The following TTC24 variants were observed in gnomAD, a reference collection of about 807,000 sequenced individuals.
The protein encoded by TTC24 is tetratricopeptide repeat protein 24.
Under a neutral mutation model 63.3 loss-of-function variants are expected in TTC24, and 54 were observed. That is an observed-to-expected ratio of 0.85 (90% confidence interval 0.69 to 1.07). The LOEUF is 1.07. Among genes scored for constraint, TTC24 ranks in the 50% least tolerant of loss-of-function variants. The pLI, the probability that TTC24 is intolerant of heterozygous loss-of-function variation, is 0.00. For synonymous variants in TTC24, 276 were observed against 304.3 expected (o/e 0.91, Z 0.97); for missense variants, 680 against 730.5 (o/e 0.93, Z 0.80).
chr1:156,583,836 C>G lies in TTC24; in HGVS notation c.1192C>G (p.Leu398Val). 6.3e-7 allele frequency: 1 copy of G among 1,583,020 alleles called. No homozygotes were observed. Among genetic ancestry groups the G allele is most frequent in the Non-Finnish European group, 8.6e-7 (1 of 1,166,306 alleles). ...TGTGCGAGAACGGCTGGTGGCCAAG[C>G]TGGCAGACACCGTGAGGACGCGCTT... is the stretch of plus-strand genomic sequence containing the variant. ...DSVRERLVAK[L>V]ADTVRTRLAQ... Residue 398 changes from leucine to valine, a missense_variant, in exon 6 of 11, where the codon CTG becomes GTG. Leu to Val is a conservative substitution (Grantham distance 32). Coordinates refer to ENST00000368236, the MANE Select transcript of TTC24 (RefSeq NM_001105669.4). The surrounding 1 kb of genome is among the most constrained non-coding windows in gnomAD (Gnocchi z 4.0).
chr1:156,580,061 C>T (rs1476390802), intron 1 of TTC24, among the ~76,000 whole-genome samples: 1 of 152,104 alleles, frequency 6.6e-6, no homozygotes, highest in Non-Finnish European at 1.5e-5. Context: ...ATACAAGCTG[C>T]TGAGATGCTT....
At position 156,581,410 on chromosome 1, in the gene TTC24, G is replaced by A. The variant is rs982465333; in HGVS notation, c.46G>A (p.Glu16Lys). The A allele has an allele frequency of 1.3e-6, 2 of 1,540,182 alleles. No individual in the cohort carries two copies. The highest frequency in any genetic ancestry group is 1.8e-6 in the Non-Finnish European group (2 of 1,141,600). ...PEDVPRRPEP[E>K]PSSSNKKKKK... is the part of the protein sequence containing the mutation. ...GGATGTGCCCCGGAGGCCAGAACCTGAGCCCTCAAGCTCCAATAAGAAAAA... is the reference window on the plus strand; with the variant it reads ...GGATGTGCCCCGGAGGCCAGAACCTAAGCCCTCAAGCTCCAATAAGAAAAA... Residue 16 changes from glutamate to lysine, a missense_variant, in exon 2 of 11, where the codon GAG becomes AAG. Glu to Lys is a moderately conservative substitution (Grantham distance 56). Transcript: ENST00000368236.
At position 156,581,673 on chromosome 1, in the gene TTC24, G is replaced by A. The variant is rs749784593; in HGVS notation, c.309G>A (p.Leu103=). The A allele has an allele frequency of 3.4e-5, 53 of 1,551,764 alleles. No homozygotes were observed. The Middle Eastern group carries it at 4.2e-3, about 122-fold the overall frequency. The change falls in exon 2 of 11, where the codon CTG becomes CTA. Residue 103 remains leucine (L), a synonymous_variant. Coordinates refer to ENST00000368236, the MANE Select transcript of TTC24 (RefSeq NM_001105669.4). ...GDPARGLELL[L]RAHPEEKAQG... is the part of the protein sequence containing the mutation. ...CAGCCAGAGGCCTTGAGCTACTCCT[G>A]CGAGCCCACCCTGAAGAGAAGGCAC...
chr1:156,585,059 T>A, intron 7 of TTC24, 66 bp from the exon 8 acceptor site: 1 of 1,542,072 alleles, frequency 6.5e-7, no homozygotes, highest in Admixed American at 1.9e-5. Context: ...ACCCCATGTG[T>A]ATCCCCAGGA....
intron 6 of TTC24, 179 bp from the exon 7 acceptor site, chr1:156,584,698 C>T (rs1677102310): frequency 2.3e-6 from 1 of 443,542 alleles, no homozygotes; most frequent in South Asian, 6.4e-5. Context: ...GAATTCAAGC[C>T]TGAGAGTTAC....
rs746609011 is a variant in TTC24 at position 156,582,266 on chromosome 1, C to T, written c.742C>T (p.Gln248Ter). 2.6e-6 allele frequency: 4 copies of T among 1,554,752 alleles called. No homozygotes were observed. The South Asian group carries it at 4.7e-5, about 18-fold the overall frequency. The stretch of plus-strand genomic sequence containing the variant: ...TAACGATCTAGGCCTGGGCTACTCC[C>T]AGCTCCAGCTGTTCCCGCTGGCCGT... ...LYNDLGLGYS[Q>*]LQLFPLAVEA... The change falls in exon 3 of 11, where the codon CAG becomes TAG. Residue 248 changes from glutamine (Q) to a stop codon, truncating the protein, a stop_gained. Transcript: ENST00000368236. LOFTEE classifies it high-confidence loss of function.
Position 156,585,209 on chromosome 1 carries a change from G to A in TTC24, c.1434G>A (p.Arg478=). The A allele has an allele frequency of 3.1e-6, 5 of 1,612,862 alleles. No homozygotes were observed. The highest frequency in any genetic ancestry group is 4.2e-6 in the Non-Finnish European group (5 of 1,179,446). Reference sequence around the variant, plus strand: ...AGAGGTCGGCAAACGTTCCGGTGAGGGCTGGGCCGGGAAGACCAGAGCGTG... The same window carrying A: ...AGAGGTCGGCAAACGTTCCGGTGAGAGCTGGGCCGGGAAGACCAGAGCGTG... ...KEERSANVPV[R]AGPGRPELCF... The change falls in exon 8 of 11, where the codon AGG becomes AGA. Residue 478 remains arginine (R), a synonymous_variant. Coordinates refer to ENST00000368236, the MANE Select transcript of TTC24 (RefSeq NM_001105669.4).
chr1:156,581,717 A>G lies in TTC24; in HGVS notation c.353A>G (p.Asp118Gly), dbSNP rs369968639. ...AAGGCACAGGGCAGGCGACACGGCG[A>G]CCAATGTTTCAATGTGGCTTTGGCC... ...EEKAQGRRHG[D>G]QCFNVALAYH... Residue 118 changes from aspartate (D) to glycine (G), a missense_variant, in exon 2 of 11, where the codon GAC (aspartate) becomes GGC (glycine). Physicochemically the swap from Asp to Gly is moderately conservative, Grantham distance 94. Transcript: ENST00000368236. 9.1e-5 allele frequency: 141 copies of G among 1,551,658 alleles called. No individual in the cohort carries two copies. The highest frequency in any genetic ancestry group is 1.2e-4 in the Non-Finnish European group (139 of 1,147,030).
chr1:156,584,912 G>C lies in TTC24; in HGVS notation c.1287G>C (p.Gly429=). The C allele has an allele frequency of 6.2e-7, 1 of 1,600,752 alleles. No homozygotes were observed. The highest frequency in any genetic ancestry group is 8.5e-7 in the Non-Finnish European group (1 of 1,174,118). ...CGGGAAGACTCCAGGCTCCAGGTGG[G>C]GCCAGCCAGGCGGAGGGGACCCCAG... ...SAPGRLQAPG[G]ASQAEGTPAK... is the part of the protein sequence containing the mutation. Residue 429 remains glycine (G), a synonymous_variant, in exon 7 of 11, where the codon GGG becomes GGC. Coordinates refer to ENST00000368236, the MANE Select transcript of TTC24 (RefSeq NM_001105669.4).
intron 10 of TTC24, among the ~76,000 whole-genome samples, 156 bp from the exon 11 acceptor site, chr1:156,586,313 G>T (rs1300642492): frequency 1.3e-5 from 2 of 152,074 alleles, no homozygotes; most frequent in Non-Finnish European, 2.9e-5. Context: ...CTGCAGGATG[G>T]GGGGATATGA....
Position 156,585,051 on chromosome 1 carries a change from C to T in TTC24, c.1350-74C>T, listed in dbSNP as rs767238195. ...GGGGGCTGTCGCAGTGGGGTAGGAC[C>T]CCATGTGTATCCCCAGGAAGGAGGG... On this transcript the variant is annotated intron_variant, in intron 7 of 10. Transcript: ENST00000368236. 1,342 of 1,544,350 alleles carry T rather than the reference C, an allele frequency of 8.7e-4. 1 individual carries two copies. Among genetic ancestry groups the T allele is most frequent in the Non-Finnish European group, 1.1e-3 (1,267 of 1,136,274 alleles).
At position 156,583,161 on chromosome 1, in the gene TTC24, C is replaced by G. The variant is rs562036033; in HGVS notation, c.1030C>G (p.Arg344Gly). The G allele has an allele frequency of 5.0e-6, 8 of 1,610,408 alleles. No individual in the cohort carries two copies. In the Admixed American group the frequency reaches 8.4e-5, roughly 17 times the overall value. Residue 344 changes from arginine to glycine, a missense_variant, in exon 4 of 11, where the codon CGG becomes GGG. Arg to Gly is a moderately radical substitution (Grantham distance 125). Coordinates refer to ENST00000368236, the MANE Select transcript of TTC24 (RefSeq NM_001105669.4). The surrounding 1 kb of genome is among the most constrained non-coding windows in gnomAD (Gnocchi z 4.0). ...DNYLHALQAA[R>G]DSGDMKGQWQ... The stretch of plus-strand genomic sequence containing the variant: ...CTACCTGCATGCCCTGCAGGCTGCC[C>G]GGGACTCTGGTAAGCGTGAGAGGGT...
At chr1:156,584,315 G>C (rs6700828) in intron 6 of TTC24, among the ~76,000 whole-genome samples, 140,180 of 152,082 alleles carry the variant, frequency 0.92, 64,976 homozygotes, top group East Asian at 0.97. Context: ...CCAAGTCTCT[G>C]CTTTAACCTG....
intron 1 of TTC24, 25 bp from the exon 2 acceptor site, chr1:156,581,336 T>G: frequency 6.9e-7 from 1 of 1,451,302 alleles, no homozygotes; most frequent in East Asian, 2.5e-5. Context: ...GCTGACATAC[T>G]GAGCCCTCTG....
intron 8 of TTC24, 91 bp downstream of exon 8, chr1:156,585,322 C>G (rs1408204706): frequency 1.0e-6 from 1 of 989,400 alleles, no homozygotes; most frequent in Non-Finnish European, 1.5e-6. Context: ...CTTCTTATGC[C>G]CATCCCACCA....
intron 10 of TTC24, 46 bp downstream of exon 10, chr1:156,586,091 A>C: frequency 1.5e-6 from 2 of 1,312,652 alleles, no homozygotes; most frequent in Non-Finnish European, 2.1e-6. Context: ...TAGCAAAAAA[A>C]GTAGAATGTG....
rs776394063 is a variant in TTC24 at position 156,584,929 on chromosome 1, G to T, written c.1304G>T (p.Gly435Val). 51 of 1,604,378 alleles carry T rather than the reference G, an allele frequency of 3.2e-5. No individual in the cohort carries two copies. The East Asian group carries it at 1.1e-3, about 34-fold the overall frequency. Residue 435 changes from glycine to valine, a missense_variant, in exon 7 of 11, where the codon GGG becomes GTG. Physicochemically the swap from Gly to Val is moderately radical, Grantham distance 109. Coordinates refer to ENST00000368236, the MANE Select transcript of TTC24 (RefSeq NM_001105669.4). ...QAPGGASQAE[G>V]TPAKAGSSTA... ...CCAGGTGGGGCCAGCCAGGCGGAGGGGACCCCAGCAAAGGCAGGAAGCAGC... is the reference window on the plus strand; with the variant it reads ...CCAGGTGGGGCCAGCCAGGCGGAGGTGACCCCAGCAAAGGCAGGAAGCAGC...
Position 156,581,378 on chromosome 1 carries a change from AC to A in TTC24, c.17del (p.Pro6LeufsTer51). ...TTTGTCAGCCCTATGTCTTCCCCCA[AC>A]CCTGAGGATGTGCCCCGGAGGCCAG... MSSP[N>X]PEDVPRRPEP... On this transcript the variant is annotated frameshift_variant, in exon 2 of 11. Coordinates refer to ENST00000368236, the MANE Select transcript of TTC24 (RefSeq NM_001105669.4). LOFTEE classifies it high-confidence loss of function. 3.3e-6 allele frequency: 5 copies of A among 1,506,848 alleles called. No individual in the cohort carries two copies. The highest frequency in any genetic ancestry group is 1.3e-5 in the South Asian group (1 of 76,946). 93.3% of individuals were successfully genotyped at this position (1,506,848 alleles called of 1,614,324 possible). A position where few individuals can be genotyped will look rare whatever the true frequency, so the allele number is the denominator to read the frequency against.
rs1677069352 is a variant in TTC24, at chr1:156,583,662, C to T, written c.1153-135C>T. On this transcript the variant is annotated intron_variant, in intron 5 of 10. Coordinates refer to ENST00000368236, the MANE Select transcript of TTC24 (RefSeq NM_001105669.4). This position sits in a 1 kb window ranked among gnomAD's most constrained non-coding sequence, Gnocchi z 4.0. ...GGTGGTGGCAGGACCCTGGGAAAGGCATGGGGATGGGGTAGAAGAGAGGGG... is the reference window on the plus strand; with the variant it reads ...GGTGGTGGCAGGACCCTGGGAAAGGTATGGGGATGGGGTAGAAGAGAGGGG... 1.1e-6 allele frequency: 1 copy of T among 944,098 alleles called. No homozygotes were observed. The highest frequency in any genetic ancestry group is 1.6e-6 in the Non-Finnish European group (1 of 617,404). 58.5% of individuals were successfully genotyped at this position (944,098 alleles called of 1,614,324 possible).
Sources: gnomAD v4.1 joint callset for allele counts (sites outside exome capture counted in the v4.1 genomes callset) on GRCh38, gnomAD v4.1.1 for gene constraint, Gnocchi (gnomAD v3.1) non-coding constraint, MANE v1.5 for transcripts, NCBI Gene and HGNC (gene_info 2026-07-23, HGNC 2026-07-21) for gene names.